The following EPB41L5 variants were observed in gnomAD, a reference collection of about 807,000 sequenced individuals.
EPB41L5 encodes erythrocyte membrane protein band 4.1 like 5, also known as band 4.1-like protein 5.
EPB41L5 carries 55 observed loss-of-function variants against 106.6 expected under a neutral mutation model. That is an observed-to-expected ratio of 0.52 (90% CI 0.42 to 0.65). The LOEUF (loss-of-function observed/expected upper bound fraction) is 0.65, where lower values mean the gene tolerates loss of function less well. Among genes scored for constraint, EPB41L5 ranks in the 30% least tolerant of loss-of-function variants. EPB41L5 has a pLI of 0.00. For synonymous variants in EPB41L5, 297 were observed against 306.7 expected (o/e 0.97, Z 0.33); for missense variants, 871 against 882.1 (o/e 0.99, Z 0.16).
At chr2:120,076,276 A>G (rs1003553334) in intron 7 of EPB41L5, among the ~76,000 whole-genome samples, 29 of 151,780 alleles carry the variant, frequency 1.9e-4, no homozygotes, top group African/African-American at 5.8e-4. Flanking sequence ...AGATTGGTAT[A>G]TGGGGTCATA....
At chr2:120,103,322 C>T (rs1390887004) in intron 16 of EPB41L5, among the ~76,000 whole-genome samples, 3 of 152,180 alleles carry the variant, frequency 2.0e-5, no homozygotes, top group African/African-American at 4.8e-5. Flanking sequence ...ATGTTTCACT[C>T]TTAGAATTCT....
intron 10 of EPB41L5, among the ~76,000 whole-genome samples, chr2:120,080,934 G>A (rs1312424197): frequency 2.6e-5 from 4 of 152,062 alleles, no homozygotes; most frequent in Non-Finnish European, 5.9e-5. Context: ...CATATCCTTT[G>A]CCCACTTTTT....
intron 16 of EPB41L5, among the ~76,000 whole-genome samples, chr2:120,114,303 A>C (rs768319875): frequency 6.6e-6 from 1 of 152,244 alleles, no homozygotes; most frequent in Non-Finnish European, 1.5e-5. Flanking sequence ...TTTTCAACTT[A>C]TGATGGTGTG....
chr2:120,110,324 A>C (rs976494212), intron 16 of EPB41L5, among the ~76,000 whole-genome samples: 9 of 152,294 alleles, frequency 5.9e-5, no homozygotes, highest in Admixed American at 1.3e-4. Flanking sequence ...GCTAATGCCT[A>C]CTTATCTCTC....
rs916857555 is a variant in EPB41L5 at position 120,031,031 on chromosome 2, C to A, written c.181-10975C>A. 3.9e-5 allele frequency among the ~76,000 whole-genome samples: 6 copies of A among 152,232 alleles called. No homozygotes were observed. In the East Asian group the frequency reaches 1.2e-3, roughly 29 times the overall value. On this transcript the variant is annotated intron_variant, in intron 2 of 24. Coordinates refer to ENST00000263713, the MANE Select transcript of EPB41L5 (RefSeq NM_020909.4). ...AGCTGGGATTACAGGCGTCCGCCAC[C>A]ACACCCAGCTAATTTTTAGTAGAGA...
intron 10 of EPB41L5, among the ~76,000 whole-genome samples, chr2:120,080,507 T>C (rs1039840025): frequency 1.4e-4 from 21 of 152,212 alleles, no homozygotes; most frequent in Non-Finnish European, 2.9e-4. Context: ...CAGTCTATCA[T>C]TGATGGACAT....
At chr2:120,056,313 T>G (rs1201555666) in intron 3 of EPB41L5, among the ~76,000 whole-genome samples, 1 of 152,058 alleles carries the variant, frequency 6.6e-6, no homozygotes, top group Admixed American at 6.6e-5. Context: ...GTCTTTTTTT[T>G]TTTTGAGATG....
intron 3 of EPB41L5, among the ~76,000 whole-genome samples, chr2:120,052,712 T>C (rs1047980192): frequency 6.6e-6 from 1 of 152,240 alleles, no homozygotes; most frequent in African/African-American, 2.4e-5. Context: ...TATGAAGGTA[T>C]GCCATGTTCA....
chr2:120,082,070 C>T (rs1682711521), intron 10 of EPB41L5, among the ~76,000 whole-genome samples: 2 of 152,186 alleles, frequency 1.3e-5, no homozygotes, highest in East Asian at 3.9e-4. Flanking sequence ...GACAGTTTGA[C>T]TTCCTCTTTT....
intron 1 of EPB41L5, among the ~76,000 whole-genome samples, chr2:120,016,352 C>T (rs1295251815): frequency 1.3e-5 from 2 of 151,964 alleles, no homozygotes; most frequent in African/African-American, 4.8e-5. Context: ...ATCTCTTGAA[C>T]CCGGCAGGTG....
In EPB41L5 at chr2:120,092,008, T is replaced by TTTTATTTA. The variant is rs145583905; in HGVS notation, c.1150+379_1150+386dup. The stretch of plus-strand genomic sequence containing the variant: ...TCCCCTTAGGAATTTTTAAAAACAT[T>TTTTATTTA]TTTATTTATTTATTTATTTATTTAT... On this transcript the variant is annotated intron_variant, in intron 13 of 24. Transcript: ENST00000263713. 5.2e-3 allele frequency among the ~76,000 whole-genome samples: 769 copies of TTTTATTTA among 146,754 alleles called. 2 individuals carry two copies. The highest frequency in any genetic ancestry group is 0.018 in the African/African-American group (714 of 39,818).
chr2:120,174,920 G>A lies in EPB41L5; in HGVS notation c.*13G>A. ...CACTGAGCTCTGAGGGCCTGTAGCT[G>A]GAATACGCATCTCTCCAGCATTCCG... On this transcript the variant is annotated 3_prime_UTR_variant, in exon 25 of 25. Coordinates refer to ENST00000263713, the MANE Select transcript of EPB41L5 (RefSeq NM_020909.4). 6.2e-7 allele frequency: 1 copy of A among 1,612,382 alleles called. No homozygotes were observed. Among genetic ancestry groups the A allele is most frequent in the Non-Finnish European group, 8.5e-7 (1 of 1,178,408 alleles).
In EPB41L5 at chr2:120,105,333, T is replaced by G. The variant is rs1684387558; in HGVS notation, c.1337+4519T>G. The G allele has an allele frequency of 4.2e-6, 4 of 963,138 alleles. No homozygotes were observed. In the African/African-American group the frequency reaches 7.0e-5, roughly 17 times the overall value. The allele number at this position is 963,138 out of a possible 1,614,324, so 59.7% of individuals were successfully genotyped here. ...CTATGTACATAGAAATTTATAGATA[T>G]TTTATATTTCGAAGAGTTTATAATG... On this transcript the variant is annotated intron_variant, in intron 16 of 24. Coordinates refer to ENST00000263713, the MANE Select transcript of EPB41L5 (RefSeq NM_020909.4).
intron 3 of EPB41L5, among the ~76,000 whole-genome samples, chr2:120,053,208 T>A (rs1371017925): frequency 1.3e-5 from 2 of 152,214 alleles, no homozygotes; most frequent in Non-Finnish European, 2.9e-5. Context: ...TTGACAGTTG[T>A]ATTGAAGAGT....
chr2:120,121,314 A>G (rs967380273), intron 16 of EPB41L5, among the ~76,000 whole-genome samples: 2 of 151,982 alleles, frequency 1.3e-5, no homozygotes, highest in Admixed American at 1.3e-4. Context: ...TCAACACATC[A>G]TTTACATTAG....
At chr2:120,056,600 T>C (rs761863701) in intron 3 of EPB41L5, among the ~76,000 whole-genome samples, 1 of 152,002 alleles carries the variant, frequency 6.6e-6, no homozygotes, top group Admixed American at 6.6e-5. Flanking sequence ...CACCTGACCA[T>C]TGGTTTGCCA....
intron 1 of EPB41L5, among the ~76,000 whole-genome samples, chr2:120,016,584 C>A (rs1283741825): frequency 6.6e-6 from 1 of 151,330 alleles, no homozygotes; most frequent in Non-Finnish European, 1.5e-5. Context: ...TTTGGATTTT[C>A]TTGGATACTG....
intron 13 of EPB41L5, among the ~76,000 whole-genome samples, 155 bp downstream of exon 13, chr2:120,091,816 A>G (rs1319761775): frequency 1.3e-5 from 2 of 152,152 alleles, no homozygotes; most frequent in South Asian, 2.1e-4. Context: ...CATGGGATAC[A>G]CAGAGAAAAA....
chr2:120,127,913 T>G, intron 17 of EPB41L5, 62 bp downstream of exon 17: 1 of 1,370,456 alleles, frequency 7.3e-7, no homozygotes. Flanking sequence ...AATAAGATAT[T>G]TAAATCAGCT....
Sources: gnomAD v4.1 joint callset for allele counts (sites outside exome capture counted in the v4.1 genomes callset) on GRCh38, gnomAD v4.1.1 for gene constraint, MANE v1.5 for transcripts, NCBI Gene and HGNC (gene_info 2026-07-23, HGNC 2026-07-21) for gene names.